The following CNNM2 variants were observed in gnomAD, a reference collection of about 807,000 sequenced individuals.
CNNM2 encodes metal transporter CNNM2.
CNNM2 carries 12 observed loss-of-function variants against 66.9 expected under a neutral mutation model. The ratio of observed to expected loss-of-function variants is 0.18; its 90% CI spans 0.11 to 0.29. The LOEUF is 0.29. Among genes scored for constraint, CNNM2 ranks in the 10% least tolerant of loss-of-function variants. The pLI is 1.00. For synonymous variants in CNNM2, 557 were observed against 501.8 expected, an observed-to-expected ratio of 1.11 and a Z score of -1.47; for missense variants, 705 against 1,167.7, an observed-to-expected ratio of 0.60 and a Z score of 5.77.
intron 1 of CNNM2, among the ~76,000 whole-genome samples, chr10:103,047,785 T>C (rs949500247): frequency 6.6e-6 from 1 of 152,228 alleles, no homozygotes; most frequent in African/African-American, 2.4e-5. Flanking sequence ...ATCTTCAAAA[T>C]GTTGACAGAT....
chr10:102,918,550 A>G lies in CNNM2; in HGVS notation c.70A>G (p.Thr24Ala). 1 of 1,596,864 alleles carries G rather than the reference A, an allele frequency of 6.3e-7. No homozygotes were observed. The highest frequency in any genetic ancestry group is 1.1e-5 in the South Asian group (1 of 89,258). Reference sequence around the variant, plus strand: ...CGGGCAGGCAGCCGCCGCACTGCCCACTTGGAAGATGGCGGCGCGCCGCAG... The same window carrying G: ...CGGGCAGGCAGCCGCCGCACTGCCCGCTTGGAAGATGGCGGCGCGCCGCAG... ...AGGQAAAALP[T>A]WKMAARRSLS... The change falls in exon 1 of 8, where the codon ACT becomes GCT. Residue 24 changes from threonine to alanine, a missense_variant. Physicochemically the swap from Thr to Ala is moderately conservative, Grantham distance 58. Coordinates refer to ENST00000369878, the MANE Select transcript of CNNM2 (RefSeq NM_017649.5). The surrounding 1 kb of genome is among the most constrained non-coding windows in gnomAD (Gnocchi z 4.1).
intron 6 of CNNM2, among the ~76,000 whole-genome samples, chr10:103,073,469 G>C (rs1042563437): frequency 2.6e-5 from 4 of 152,176 alleles, no homozygotes; most frequent in Non-Finnish European, 4.4e-5. Context: ...TTCAAAAAAA[G>C]GACTAATCTG....
chr10:102,937,988 T>G lies in CNNM2; in HGVS notation c.1621+17887T>G, dbSNP rs549569285. Among the ~76,000 whole-genome samples the G allele has an allele frequency of 9.2e-5, 14 of 152,160 alleles. No homozygotes were observed. The South Asian group carries it at 2.9e-3, about 32-fold the overall frequency. ...TCATTTAGGTGCCTTTACTAAAGTC[T>G]GTTAAAATGACATAAAATAATGACA... On this transcript the variant is annotated intron_variant, in intron 1 of 7. Transcript: ENST00000369878.
intron 1 of CNNM2, among the ~76,000 whole-genome samples, chr10:102,995,066 G>C (rs1396477287): frequency 9.9e-6 from 1 of 101,242 alleles, no homozygotes; most frequent in Non-Finnish European, 2.0e-5. Flanking sequence ...CCCAGCTCAG[G>C]AAAGGGGCTG....
At chr10:103,055,989 G>A (rs1485209617) in intron 3 of CNNM2, among the ~76,000 whole-genome samples, 1 of 151,806 alleles carries the variant, frequency 6.6e-6, no homozygotes, top group African/African-American at 2.4e-5. Context: ...TCGGGAGGCT[G>A]AGGCAGAAGA....
chr10:103,069,026 A>T (rs2134360399), intron 5 of CNNM2, among the ~76,000 whole-genome samples: 1 of 152,154 alleles, frequency 6.6e-6, no homozygotes, highest in Admixed American at 6.5e-5. Flanking sequence ...TGCTTTCTTG[A>T]CTTCTCAGCC....
chr10:102,969,739 G>A (rs1163621450), intron 1 of CNNM2, among the ~76,000 whole-genome samples: 1 of 151,762 alleles, frequency 6.6e-6, no homozygotes, highest in African/African-American at 2.4e-5. Context: ...CTGCCTCTGG[G>A]TTCAAGTGAT....
intron 1 of CNNM2, among the ~76,000 whole-genome samples, chr10:102,953,320 G>A (rs1425509437): frequency 1.3e-5 from 2 of 151,986 alleles, no homozygotes; most frequent in Non-Finnish European, 2.9e-5. Flanking sequence ...GCAGTGATGC[G>A]ACCTCGGCTT....
At chr10:103,021,096 T>G (rs1268021692) in intron 1 of CNNM2, among the ~76,000 whole-genome samples, 2 of 152,132 alleles carry the variant, frequency 1.3e-5, no homozygotes, top group African/African-American at 2.4e-5. Flanking sequence ...CAGAATATCC[T>G]GAAACAGTGG....
intron 1 of CNNM2, among the ~76,000 whole-genome samples, chr10:103,004,095 C>T (rs1340854832): frequency 2.8e-5 from 4 of 144,544 alleles, no homozygotes; most frequent in South Asian, 2.3e-4. Context: ...ACCCCCGCCC[C>T]GGGTTCAAGC....
At chr10:102,975,955 G>A (rs746830872) in intron 1 of CNNM2, among the ~76,000 whole-genome samples, 22 of 152,082 alleles carry the variant, frequency 1.4e-4, no homozygotes, top group African/African-American at 2.7e-4. Flanking sequence ...GTGGCACTAC[G>A]GCTTGCTTTC....
intron 5 of CNNM2, among the ~76,000 whole-genome samples, chr10:103,070,420 C>T (rs965280166): frequency 3.9e-5 from 6 of 152,170 alleles, no homozygotes; most frequent in South Asian, 4.1e-4. Context: ...ACAAGTGCTT[C>T]GTCCCCTTGA....
chr10:103,087,139 G>GTTTTTTTTTTTT lies in CNNM2; in HGVS notation c.*9959_*9960insTTTTTTTTTTTT, dbSNP rs2065826895. On this transcript the variant is annotated 3_prime_UTR_variant, in exon 8 of 8. Transcript: ENST00000369878. ...CTTCTCACGGTATAAAACTCCGCAG[G>GTTTTTTTTTTTT]ATTTTTTTTTTTTTTTTTTTTTTTT... is the stretch of plus-strand genomic sequence containing the variant. 2.1e-5 allele frequency: 1 copy of GTTTTTTTTTTTT among 48,018 alleles called. No individual in the cohort carries two copies. Among genetic ancestry groups the GTTTTTTTTTTTT allele is most frequent in the Non-Finnish European group, 4.6e-5 (1 of 21,738 alleles). The allele number at this position is 48,018 out of a possible 1,614,324, so 3.0% of individuals were successfully genotyped here.
At chr10:103,027,161 A>G (rs955175360) in intron 1 of CNNM2, among the ~76,000 whole-genome samples, 23 of 152,080 alleles carry the variant, frequency 1.5e-4, no homozygotes, top group Non-Finnish European at 3.1e-4. Flanking sequence ...ACTTCCTTCA[A>G]TTTATTGTGT....
intron 1 of CNNM2, among the ~76,000 whole-genome samples, chr10:103,002,239 T>C (rs899682807): frequency 9.2e-5 from 14 of 152,300 alleles, no homozygotes; most frequent in African/African-American, 3.1e-4. Flanking sequence ...GATAAGGGAC[T>C]GTAAGAGTTC....
At chr10:103,013,360 C>T (rs575954893) in intron 1 of CNNM2, among the ~76,000 whole-genome samples, 4 of 152,040 alleles carry the variant, frequency 2.6e-5, no homozygotes, top group Non-Finnish European at 5.9e-5. Context: ...CGCAGAGCAC[C>T]CTCAGTAATT....
At chr10:102,960,745 G>T (rs954488314) in intron 1 of CNNM2, among the ~76,000 whole-genome samples, 1 of 147,816 alleles carries the variant, frequency 6.8e-6, no homozygotes, top group African/African-American at 2.5e-5. Context: ...TCAGCCTCCC[G>T]AGTAGCTGAG....
At chr10:103,038,501 C>G (rs1048453816) in intron 1 of CNNM2, among the ~76,000 whole-genome samples, 1 of 152,134 alleles carries the variant, frequency 6.6e-6, no homozygotes, top group Non-Finnish European at 1.5e-5. Flanking sequence ...TTCAAGTGGC[C>G]AAAGAGCAGC....
chr10:102,985,357 T>A (rs1017428527), intron 1 of CNNM2, among the ~76,000 whole-genome samples: 4 of 152,172 alleles, frequency 2.6e-5, no homozygotes, highest in Non-Finnish European at 4.4e-5. Flanking sequence ...AATTTTAAAA[T>A]TTTAAAATTC....
Sources: allele counts gnomAD v4.1 joint callset (sites outside exome capture counted in the v4.1 genomes callset), GRCh38; gene constraint gnomAD v4.1.1; non-coding constraint Gnocchi (gnomAD v3.1); transcripts MANE v1.5; gene names NCBI Gene and HGNC (gene_info 2026-07-23, HGNC 2026-07-21).